The following PCDHA11 variants were observed in gnomAD, a reference collection of about 807,000 sequenced individuals.
The protein encoded by PCDHA11 is protocadherin alpha 11.
PCDHA11 carries 61 observed loss-of-function variants against 70.3 expected under a neutral mutation model. The ratio of observed to expected loss-of-function variants is 0.87; its 90% CI spans 0.71 to 1.07. PCDHA11 has a LOEUF of 1.07. Among genes scored for constraint, PCDHA11 ranks in the 50% least tolerant of loss-of-function variants. PCDHA11 has a pLI of 0.00. For missense variants in PCDHA11, 1,324 were observed against 1,237.5 expected (o/e 1.07, Z -1.05); for synonymous variants, 633 against 555.1 (o/e 1.14, Z -1.97).
At chr5:140,883,978 T>G in intron 1 of PCDHA11, 1 of 1,612,780 alleles carries the variant, frequency 6.2e-7, no homozygotes, top group Non-Finnish European at 8.5e-7. Flanking sequence ...CGCCCGGGGC[T>G]GGCAGCGCGG....
In PCDHA11 at chr5:141,010,049, C is replaced by G. The variant is rs1554262651; in HGVS notation, c.*112C>G. 7 of 1,597,692 alleles carry G rather than the reference C, an allele frequency of 4.4e-6. No individual in the cohort carries two copies. The highest frequency in any genetic ancestry group is 1.3e-5 in the African/African-American group (1 of 74,172). On this transcript the variant is annotated 3_prime_UTR_variant, in exon 4 of 4. Coordinates refer to ENST00000398640, the MANE Select transcript of PCDHA11 (RefSeq NM_018902.5). ...TATCTACATGAGCCCTCTTAGAGAC[C>G]TCAGAAATCTGCAGAAAGTTCCCTG...
At chr5:140,875,636 A>G (rs574545388) in intron 1 of PCDHA11, 3 of 1,613,606 alleles carry the variant, frequency 1.9e-6, no homozygotes, top group African/African-American at 1.3e-5. Context: ...CTGGGGCTGG[A>G]GCTGGCGGAG....
chr5:140,914,229 TA>T (rs1253173765), intron 1 of PCDHA11, among the ~76,000 whole-genome samples: 3 of 152,224 alleles, frequency 2.0e-5, no homozygotes, highest in Non-Finnish European at 4.4e-5. Flanking sequence ...GCTCTAATAC[TA>T]TTTGCTTTTT....
chr5:140,902,211 T>C (rs1256912603), intron 1 of PCDHA11, among the ~76,000 whole-genome samples: 4 of 150,332 alleles, frequency 2.7e-5, no homozygotes, highest in African/African-American at 9.8e-5. Context: ...TTCTTTTTTT[T>C]TTTTTTTTTT....
chr5:140,908,626 T>A (rs1162805222), intron 1 of PCDHA11, among the ~76,000 whole-genome samples: 3 of 152,020 alleles, frequency 2.0e-5, no homozygotes, highest in African/African-American at 4.8e-5. Context: ...ATCCTTGAGG[T>A]CTCCACTGTG....
chr5:140,877,406 A>G (rs1554169685), intron 1 of PCDHA11: 2 of 1,613,868 alleles, frequency 1.2e-6, no homozygotes, highest in East Asian at 2.2e-5. Flanking sequence ...GCTCCGCGCC[A>G]CCGCCTGCTG....
intron 1 of PCDHA11, among the ~76,000 whole-genome samples, chr5:140,937,756 C>CA (rs2091723973): frequency 1.3e-5 from 2 of 151,360 alleles, no homozygotes; most frequent in African/African-American, 4.9e-5. Flanking sequence ...ACTAAAAATA[C>CA]AAAAAATTAG....
chr5:141,006,937 A>G (rs1341234151), intron 3 of PCDHA11, among the ~76,000 whole-genome samples: 1 of 152,206 alleles, frequency 6.6e-6, no homozygotes, highest in Non-Finnish European at 1.5e-5. Context: ...AACTGGGGAT[A>G]CCAGATAGGC....
At chr5:140,995,515 C>T (rs1476035141) in intron 3 of PCDHA11, among the ~76,000 whole-genome samples, 2 of 152,078 alleles carry the variant, frequency 1.3e-5, no homozygotes, top group East Asian at 1.9e-4. Context: ...TAACTGAAGC[C>T]TCAGAAATCA....
chr5:140,942,924 T>A (rs2093394309), intron 1 of PCDHA11, among the ~76,000 whole-genome samples: 1 of 151,518 alleles, frequency 6.6e-6, no homozygotes, highest in African/African-American at 2.4e-5. Context: ...AAAAAAAAAA[T>A]TGAAAAAGAG....
chr5:140,919,607 A>T (rs1357882512), intron 1 of PCDHA11, among the ~76,000 whole-genome samples: 1 of 152,158 alleles, frequency 6.6e-6, no homozygotes. Context: ...ATAAATTTTA[A>T]ACTGTATCTT....
intron 1 of PCDHA11, among the ~76,000 whole-genome samples, chr5:140,942,008 T>C (rs155814): frequency 0.3 from 44,965 of 152,110 alleles, 7,230 homozygotes; most frequent in East Asian, 0.53. Flanking sequence ...CTCTTATTAT[T>C]AATTTTGGGA....
intron 1 of PCDHA11, chr5:140,966,879 GC>G: frequency 1.3e-6 from 2 of 1,587,514 alleles, no homozygotes; most frequent in Non-Finnish European, 1.7e-6. Flanking sequence ...CTGCTACCTG[GC>G]CCTGCGGCCT....
intron 1 of PCDHA11, among the ~76,000 whole-genome samples, chr5:140,974,396 G>A (rs1413050341): frequency 6.6e-6 from 1 of 152,178 alleles, no homozygotes; most frequent in Non-Finnish European, 1.5e-5. Context: ...CATTAGGTAT[G>A]TTCTAAAGTT....
At chr5:140,926,143 C>A (rs2082940711) in intron 1 of PCDHA11, among the ~76,000 whole-genome samples, 1 of 152,068 alleles carries the variant, frequency 6.6e-6, no homozygotes, top group African/African-American at 2.4e-5. Context: ...CAGGATCCAG[C>A]GCGGAAAGCT....
chr5:140,918,210 A>T (rs2078574076), intron 1 of PCDHA11, among the ~76,000 whole-genome samples: 1 of 152,152 alleles, frequency 6.6e-6, no homozygotes, highest in Non-Finnish European at 1.5e-5. Context: ...TTGTTGGTGT[A>T]CAGAAATGCT....
chr5:140,879,589 A>G (rs2058049274), intron 1 of PCDHA11, among the ~76,000 whole-genome samples: 1 of 152,214 alleles, frequency 6.6e-6, no homozygotes, highest in South Asian at 2.1e-4. Context: ...CAGACATTGA[A>G]AAGTGAAAAA....
chr5:140,917,151 G>A (rs974449842), intron 1 of PCDHA11, among the ~76,000 whole-genome samples: 1 of 152,160 alleles, frequency 6.6e-6, no homozygotes, highest in Non-Finnish European at 1.5e-5. Flanking sequence ...TGCTGCTGGG[G>A]GATATGGGAG....
rs552420407 is a variant in PCDHA11, at chr5:140,883,937, G to A, written c.2391+12443G>A. Reference sequence around the variant, plus strand: ...CGTGACGCTGCAGGTGTTCGTGCTGGACGAGAACGACAACGCTCCGGCGCT... The same window carrying A: ...CGTGACGCTGCAGGTGTTCGTGCTGAACGAGAACGACAACGCTCCGGCGCT... On this transcript the variant is annotated intron_variant, in intron 1 of 3. Transcript: ENST00000398640. The A allele has an allele frequency of 5.6e-6, 9 of 1,613,414 alleles. 1 individual carries two copies. The South Asian group carries it at 9.9e-5, about 18-fold the overall frequency.
Sources: allele counts gnomAD v4.1 joint callset (sites outside exome capture counted in the v4.1 genomes callset), GRCh38; gene constraint gnomAD v4.1.1; transcripts MANE v1.5; gene names NCBI Gene and HGNC (gene_info 2026-07-23, HGNC 2026-07-21).